The following FAAH2 variants were observed in gnomAD, a reference collection of about 807,000 sequenced individuals.
FAAH2 encodes fatty acid amide hydrolase 2.
FAAH2 carries 60 observed loss-of-function variants against 36.9 expected under a neutral mutation model. The ratio of observed to expected loss-of-function variants is 1.63; its 90% confidence interval spans 1.32 to 2.02. FAAH2 has a LOEUF of 2.02. Among genes scored for constraint, FAAH2 ranks in the 30% most tolerant of loss-of-function variants. The probability of loss-of-function intolerance (pLI) is 0.00; values close to 1 mark genes in which losing one functional copy is unlikely to be tolerated. For missense variants in FAAH2, 689 were observed against 397.5 expected (o/e 1.73, Z -6.23); for synonymous variants, 214 against 143.8 (o/e 1.49, Z -3.49).
intron 7 of FAAH2, among the ~76,000 whole-genome samples, chrX:57,420,350 G>A (rs2055982107): frequency 8.9e-6 from 1 of 111,818 alleles, no homozygotes; most frequent in African/African-American, 3.3e-5. Context: ...TCCTACCCAT[G>A]AGTATTGAAT....
intron 10 of FAAH2, among the ~76,000 whole-genome samples, chrX:57,483,560 C>A (rs28384111): frequency 0.36 from 39,357 of 109,061 alleles, 6,198 homozygotes; most frequent in Middle Eastern, 0.61. Context: ...TAGTTTGACT[C>A]TTGTTGATAT....
chrX:57,478,826 T>G (rs1321862817), intron 10 of FAAH2, among the ~76,000 whole-genome samples: 1 of 111,715 alleles, frequency 9.0e-6, no homozygotes, highest in Non-Finnish European at 1.9e-5. Context: ...CTGAGGACTC[T>G]GTTCTGTTCC....
the FAAH2 span, among the ~76,000 whole-genome samples, chrX:57,155,368 C>T: frequency 9.0e-6 from 1 of 111,274 alleles, no homozygotes; most frequent in African/African-American, 3.3e-5. Flanking sequence ...GGGTGTGATT[C>T]CCAGTCAATG....
upstream of FAAH2, among the ~76,000 whole-genome samples, chrX:57,285,300 T>C (rs1284634152): frequency 8.9e-6 from 1 of 112,071 alleles, no homozygotes; most frequent in Non-Finnish European, 1.9e-5. Flanking sequence ...AGACCTTAAA[T>C]GCCAAGCTCG....
chrX:57,292,369 C>T, intron 1 of FAAH2, 129 bp from the exon 2 acceptor site: 2 of 535,488 alleles, frequency 3.7e-6, no homozygotes, highest in Non-Finnish European at 5.9e-6. Context: ...TCATGGGGGA[C>T]TACACTGTGT....
intron 1 of FAAH2, among the ~76,000 whole-genome samples, chrX:57,288,928 G>A (rs1363984322): frequency 1.8e-5 from 2 of 111,292 alleles, no homozygotes; most frequent in Non-Finnish European, 3.8e-5. Flanking sequence ...ATGTTCTGAA[G>A]GGGAGAAGTG....
chrX:57,164,023 G>T, the FAAH2 span, among the ~76,000 whole-genome samples: 1 of 112,330 alleles, frequency 8.9e-6, no homozygotes, highest in Non-Finnish European at 1.9e-5. Flanking sequence ...GGCAATAGGG[G>T]CTCAAAGGAC....
intron 8 of FAAH2, among the ~76,000 whole-genome samples, chrX:57,437,984 T>G (rs1045715833): frequency 9.6e-6 from 1 of 104,056 alleles, no homozygotes; most frequent in East Asian, 3.0e-4. Context: ...TATACACATA[T>G]GTACATATAT....
chrX:57,335,715 G>A (rs1369605295), intron 4 of FAAH2, among the ~76,000 whole-genome samples: 1 of 111,637 alleles, frequency 9.0e-6, no homozygotes, highest in Admixed American at 9.5e-5. Flanking sequence ...CGGGTGTTGG[G>A]CTGGGGGACA....
chrX:57,318,606 G>C (rs1005093500), intron 3 of FAAH2, among the ~76,000 whole-genome samples: 1 of 111,755 alleles, frequency 8.9e-6, no homozygotes, highest in African/African-American at 3.2e-5. Flanking sequence ...AGAGGAGCTG[G>C]TAACATTTCT....
chrX:57,215,938 T>C, the FAAH2 span, among the ~76,000 whole-genome samples: 1 of 101,406 alleles, frequency 9.9e-6, no homozygotes, highest in African/African-American at 3.6e-5. Flanking sequence ...TATATATACC[T>C]GCACGTTCTG....
chrX:57,189,919 C>G, the FAAH2 span, among the ~76,000 whole-genome samples: 7 of 112,203 alleles, frequency 6.2e-5, no homozygotes, highest in Non-Finnish European at 9.4e-5. Flanking sequence ...GAGTGCTATG[C>G]TAGGAGAACC....
chrX:57,201,760 A>G, the FAAH2 span, among the ~76,000 whole-genome samples: 6 of 111,401 alleles, frequency 5.4e-5, no homozygotes, highest in Non-Finnish European at 1.1e-4. Context: ...TACCTTCTCT[A>G]TAAGACCAGT....
At chrX:57,224,505 C>G in the FAAH2 span, among the ~76,000 whole-genome samples, 2 of 111,149 alleles carry the variant, frequency 1.8e-5, no homozygotes, top group African/African-American at 6.6e-5. Context: ...CTTCTCAGGC[C>G]CAGTCCCAAG....
the FAAH2 span, among the ~76,000 whole-genome samples, chrX:57,206,086 G>A: frequency 9.0e-6 from 1 of 111,582 alleles, no homozygotes; most frequent in Non-Finnish European, 1.9e-5. Context: ...GTCTTTTCTG[G>A]ATCTATTCTA....
chrX:57,308,368 T>A (rs190401114), intron 2 of FAAH2, among the ~76,000 whole-genome samples: 1 of 111,905 alleles, frequency 8.9e-6, no homozygotes, highest in African/African-American at 3.2e-5. Context: ...TTATTTGCAT[T>A]TCTCTGATGA....
upstream of FAAH2, among the ~76,000 whole-genome samples, chrX:57,284,400 A>G (rs756198636): frequency 8.4e-5 from 4 of 47,569 alleles, no homozygotes; most frequent in South Asian, 2.9e-3. Context: ...AAAACAAAAC[A>G]ACAACAACAA....
chrX:57,323,566 G>T (rs1474518748), intron 3 of FAAH2, among the ~76,000 whole-genome samples: 2 of 111,155 alleles, frequency 1.8e-5, no homozygotes, highest in Non-Finnish European at 3.8e-5. Flanking sequence ...GTTTTGATTT[G>T]CATTTCTCTG....
At chrX:57,293,272 T>A (rs1458111511) in intron 2 of FAAH2, among the ~76,000 whole-genome samples, 1 of 111,775 alleles carries the variant, frequency 8.9e-6, no homozygotes, top group African/African-American at 3.3e-5. Flanking sequence ...AAAATGAAAC[T>A]TTATATCACT....
Sources: allele counts gnomAD v4.1 joint callset (sites outside exome capture counted in the v4.1 genomes callset), GRCh38; gene constraint gnomAD v4.1.1; transcripts MANE v1.5; gene names NCBI Gene and HGNC (gene_info 2026-07-23, HGNC 2026-07-21).